The following SLC8A1 variants were observed in gnomAD, a reference collection of about 807,000 sequenced individuals.
SLC8A1 encodes the protein solute carrier family 8 member A1.
A neutral mutation model predicts 68.3 loss-of-function variants in SLC8A1; 18 were observed. The observed-to-expected ratio is 0.26, with a 90% CI of 0.18 to 0.39. The LOEUF is 0.39. SLC8A1 is among the 10% of genes least tolerant of loss of function. The pLI is 1.00. For synonymous variants in SLC8A1, 475 were observed against 415.5 expected (o/e 1.14, Z -1.74); for missense variants, 985 against 1,156.7 (o/e 0.85, Z 2.15).
At chr2:40,345,191 C>T (rs1316196688) in intron 2 of SLC8A1, among the ~76,000 whole-genome samples, 3 of 152,122 alleles carry the variant, frequency 2.0e-5, no homozygotes, top group Non-Finnish European at 2.9e-5. Context: ...TGTTTTGACA[C>T]TCCGTCTCCT....
intron 7 of SLC8A1, among the ~76,000 whole-genome samples, chr2:40,133,084 T>C (rs2039715161): frequency 6.6e-6 from 1 of 152,202 alleles, no homozygotes; most frequent in African/African-American, 2.4e-5. Flanking sequence ...TTGTTTGAAT[T>C]GCCATGTATC....
At chr2:40,208,437 A>G (rs1191186580) in intron 2 of SLC8A1, 1 of 152,162 alleles carries the variant, frequency 6.6e-6, no homozygotes, top group Non-Finnish European at 1.5e-5. Flanking sequence ...TACTCCCTGA[A>G]TATTAGTCTT....
At chr2:40,130,924 A>C (rs192779671) in intron 7 of SLC8A1, among the ~76,000 whole-genome samples, 45 of 152,348 alleles carry the variant, frequency 3.0e-4, no homozygotes, top group African/African-American at 1.0e-3. Context: ...GGAAAAATGA[A>C]GATAGGCTGA....
rs868269635 is a variant in SLC8A1 at position 40,228,810 on chromosome 2, G to T, written c.1809-50955C>A. Among the ~76,000 whole-genome samples, 3 of 152,184 alleles carry T rather than the reference G, an allele frequency of 2.0e-5. No homozygotes were observed. The South Asian group carries it at 6.2e-4, about 31-fold the overall frequency. ...GACTTGATCACCAATCCAAGGTGAG[G>T]TGTCAGGGGTGGAGGAGGGTGGAAA... On this transcript the variant is annotated intron_variant, in intron 2 of 7. Coordinates refer to ENST00000406785, the Ensembl canonical transcript of SLC8A1.
chr2:40,130,684 T>G (rs922856788), intron 7 of SLC8A1, among the ~76,000 whole-genome samples: 1 of 152,240 alleles, frequency 6.6e-6, no homozygotes, highest in Non-Finnish European at 1.5e-5. Context: ...CCATAGCCAC[T>G]GGGAAATACT....
At chr2:40,391,190 T>TTACACACACATGTATATATATA (rs141265677) in intron 2 of SLC8A1, among the ~76,000 whole-genome samples, 2 of 149,114 alleles carry the variant, frequency 1.3e-5, no homozygotes, top group Non-Finnish European at 3.0e-5. Context: ...TGTATATATA[T>TTACACACACATGTATATATATA]TACACACACA....
At chr2:40,457,717 T>A (rs550694813) in intron 1 of SLC8A1, among the ~76,000 whole-genome samples, 1 of 152,342 alleles carries the variant, frequency 6.6e-6, no homozygotes, top group African/African-American at 2.4e-5. Context: ...TTAAAAGTAT[T>A]ATCCAGTCAC....
intron 6 of SLC8A1, among the ~76,000 whole-genome samples, chr2:40,153,633 C>A (rs761885908): frequency 6.6e-5 from 10 of 152,180 alleles, no homozygotes; most frequent in Non-Finnish European, 8.8e-5. Context: ...AAACAACCTA[C>A]CTACCTAGAT....
chr2:40,294,562 GGA>G (rs1255993237), intron 2 of SLC8A1, among the ~76,000 whole-genome samples: 1 of 151,606 alleles, frequency 6.6e-6, no homozygotes, highest in African/African-American at 2.4e-5. Context: ...GGAGAGAGAG[GGA>G]GAGAGAGAGG....
intron 1 of SLC8A1, chr2:40,446,763 C>T (rs866193619): frequency 1.3e-5 from 2 of 152,182 alleles, no homozygotes; most frequent in Middle Eastern, 3.2e-3. Flanking sequence ...ATCCTTAAGT[C>T]AGAAAAATGA....
intron 2 of SLC8A1, among the ~76,000 whole-genome samples, chr2:40,181,062 C>T (rs1284741033): frequency 2.0e-5 from 3 of 152,102 alleles, no homozygotes; most frequent in East Asian, 1.9e-4. Context: ...CAGGTTCAAG[C>T]GATTCCCCTG....
chr2:40,109,299 A>G (rs1376343624), exon 8 of SLC8A1: 3 of 152,150 alleles, frequency 2.0e-5, no homozygotes, highest in Non-Finnish European at 2.9e-5. Flanking sequence ...CTATGTTTAC[A>G]TACTCCACCT....
intron 2 of SLC8A1, among the ~76,000 whole-genome samples, chr2:40,292,891 TAG>T (rs1436528168): frequency 6.6e-6 from 1 of 152,186 alleles, no homozygotes; most frequent in South Asian, 2.1e-4. Context: ...AACTGTCAGG[TAG>T]GGCATAGAGA....
At chr2:40,497,872 T>C (rs1307789989) in intron 1 of SLC8A1, among the ~76,000 whole-genome samples, 13 of 152,096 alleles carry the variant, frequency 8.5e-5, no homozygotes, top group Non-Finnish European at 7.4e-5. Context: ...ACTTGTGTTT[T>C]AGCAAATCAC....
chr2:40,408,678 C>T (rs1435460128), intron 2 of SLC8A1, among the ~76,000 whole-genome samples: 2 of 152,124 alleles, frequency 1.3e-5, no homozygotes, highest in Non-Finnish European at 2.9e-5. Flanking sequence ...GAGAAGCATG[C>T]CTTCACACAC....
intron 1 of SLC8A1, among the ~76,000 whole-genome samples, chr2:40,435,032 G>A (rs993075789): frequency 2.6e-5 from 4 of 152,122 alleles, no homozygotes; most frequent in Non-Finnish European, 4.4e-5. Flanking sequence ...CTACCAAGGA[G>A]GACGTGACTC....
intron 2 of SLC8A1, among the ~76,000 whole-genome samples, chr2:40,381,160 C>T (rs1681646692): frequency 6.6e-6 from 1 of 152,002 alleles, no homozygotes; most frequent in Non-Finnish European, 1.5e-5. Context: ...CTCCAAACAT[C>T]AAAATCGGGG....
intron 2 of SLC8A1, among the ~76,000 whole-genome samples, chr2:40,325,726 G>C (rs1029349314): frequency 2.3e-5 from 3 of 131,264 alleles, no homozygotes; most frequent in Non-Finnish European, 4.6e-5. Context: ...AAGGTCAGGA[G>C]ATGGAGACCA....
At chr2:40,490,937 T>C (rs1034731706) in intron 1 of SLC8A1, among the ~76,000 whole-genome samples, 1 of 152,070 alleles carries the variant, frequency 6.6e-6, no homozygotes, top group African/African-American at 2.4e-5. Flanking sequence ...TGACAAGCAA[T>C]ATTTTCTGAA....
Sources: allele counts gnomAD v4.1 joint callset (sites outside exome capture counted in the v4.1 genomes callset), GRCh38; gene constraint gnomAD v4.1.1; transcripts MANE v1.5; gene names NCBI Gene and HGNC (gene_info 2026-07-23, HGNC 2026-07-21).